UGT1A10: variants seen among roughly 807,000 people sequenced by gnomAD.
UGT1A10 encodes the protein UDP glucuronosyltransferase family 1 member A10.
Under a neutral mutation model 45.8 loss-of-function variants are expected in UGT1A10, and 49 were observed. The ratio of observed to expected loss-of-function variants is 1.07; its 90% confidence interval spans 0.85 to 1.36. The LOEUF (loss-of-function observed/expected upper bound fraction) is 1.36. Ranked by LOEUF, UGT1A10 falls within the 40% of genes most tolerant of loss-of-function variation. UGT1A10 has a pLI of 0.00. For synonymous variants in UGT1A10, 284 were observed against 249.7 expected (o/e 1.14, Z -1.29); for missense variants, 745 against 668.6 (o/e 1.11, Z -1.26).
At chr2:233,742,815 T>C (rs1692108353) in intron 1 of UGT1A10, 1 of 153,808 alleles carries the variant, frequency 6.5e-6, no homozygotes. Flanking sequence ...ATTGATATTA[T>C]TTGTAGATTT....
intron 1 of UGT1A10, among the ~76,000 whole-genome samples, chr2:233,647,045 C>G (rs2073623972): frequency 6.6e-6 from 1 of 152,190 alleles, no homozygotes; most frequent in East Asian, 1.9e-4. Context: ...AGGAGAAAGT[C>G]ACATCCTCCA....
intron 1 of UGT1A10, chr2:233,719,094 G>C (rs376370143): frequency 8.7e-6 from 14 of 1,614,082 alleles, no homozygotes; most frequent in Admixed American, 1.7e-5. Flanking sequence ...ATTTGATCGC[G>C]TTACGCTGGG....
intron 4 of UGT1A10, chr2:233,771,362 C>T (rs1186329971): frequency 6.6e-6 from 1 of 152,076 alleles, no homozygotes; most frequent in African/African-American, 2.4e-5. Context: ...GTTGAAGCAC[C>T]TAACCCGTTT....
chr2:233,672,612 T>C (rs1208822826), intron 1 of UGT1A10: 2 of 1,613,918 alleles, frequency 1.2e-6, no homozygotes, highest in East Asian at 4.5e-5. Flanking sequence ...TTTTCAAAAA[T>C]GCCCTAGAAA....
At chr2:233,715,102 T>C (rs1462958719) in intron 1 of UGT1A10, among the ~76,000 whole-genome samples, 2 of 152,140 alleles carry the variant, frequency 1.3e-5, no homozygotes, top group East Asian at 3.9e-4. Context: ...GCCAGGCTGA[T>C]CTCAAATGCC....
chr2:233,693,766 G>A (rs2075179392), intron 1 of UGT1A10: 8 of 1,614,122 alleles, frequency 5.0e-6, no homozygotes, highest in African/African-American at 1.3e-5. Context: ...CTGTTTGGCT[G>A]TTAAGATATG....
At position 233,728,248 on chromosome 2, in the gene UGT1A10, GA is replaced by G. The variant is rs150082316; in HGVS notation, c.856-38785del. ...ATCTTCAGGATGAAATAAAGGCCTGGATGACTGAAATAAAGACTGGAGCCTT... is the reference window on the plus strand; with the variant it reads ...ATCTTCAGGATGAAATAAAGGCCTGGTGACTGAAATAAAGACTGGAGCCTT... On this transcript the variant is annotated intron_variant, in intron 1 of 4. Transcript: ENST00000344644. 8.8e-3 allele frequency among the ~76,000 whole-genome samples: 1,334 copies of G among 152,284 alleles called. 20 individuals carry two copies. The highest frequency in any genetic ancestry group is 0.03 in the African/African-American group (1,244 of 41,558).
intron 1 of UGT1A10, among the ~76,000 whole-genome samples, chr2:233,656,690 C>T (rs1285810302): frequency 3.9e-5 from 6 of 152,096 alleles, no homozygotes; most frequent in Non-Finnish European, 8.8e-5. Flanking sequence ...GTTTAAACCA[C>T]AAAAGGGAGG....
intron 1 of UGT1A10, chr2:233,729,974 A>G (rs779334131): frequency 1.9e-6 from 3 of 1,614,082 alleles, no homozygotes; most frequent in Non-Finnish European, 2.5e-6. Flanking sequence ...AACTGTGCCA[A>G]CAGGAAGCCA....
chr2:233,662,426 G>A (rs7585521), intron 1 of UGT1A10, among the ~76,000 whole-genome samples: 6,244 of 152,116 alleles, frequency 0.041, 154 homozygotes, highest in Non-Finnish European at 0.061. Context: ...GACCAACACC[G>A]TTGAAACTCT....
intron 1 of UGT1A10, chr2:233,691,073 G>A (rs1251480486): frequency 1.0e-6 from 1 of 986,174 alleles, no homozygotes; most frequent in East Asian, 1.1e-4. Flanking sequence ...TAAAGAATGT[G>A]AAGTTTGTAG....
intron 1 of UGT1A10, among the ~76,000 whole-genome samples, chr2:233,695,902 GT>G (rs144527865): frequency 5.9e-5 from 9 of 151,998 alleles, no homozygotes; most frequent in African/African-American, 1.2e-4. Flanking sequence ...AATGTGTGGG[GT>G]TTTTTTTCTC....
At chr2:233,685,378 C>G (rs1334317900) in intron 1 of UGT1A10, among the ~76,000 whole-genome samples, 1 of 152,104 alleles carries the variant, frequency 6.6e-6, no homozygotes, top group Non-Finnish European at 1.5e-5. Flanking sequence ...TTCCACTTTT[C>G]TTGACTTGTT....
chr2:233,765,623 G>A (rs1698893578), intron 1 of UGT1A10, among the ~76,000 whole-genome samples: 1 of 151,662 alleles, frequency 6.6e-6, no homozygotes, highest in Admixed American at 6.6e-5. Flanking sequence ...AGGGGTGAGG[G>A]GAGGAACTTA....
chr2:233,637,487 C>A, intron 1 of UGT1A10, 110 bp downstream of exon 1: 5 of 1,495,792 alleles, frequency 3.3e-6, no homozygotes, highest in Non-Finnish European at 3.5e-6. Context: ...TTTCAAATTT[C>A]TTTCCAGTTT....
chr2:233,658,226 C>G (rs910344457), intron 1 of UGT1A10, among the ~76,000 whole-genome samples: 2 of 152,106 alleles, frequency 1.3e-5, no homozygotes, highest in African/African-American at 4.8e-5. Context: ...ACCATGTTGA[C>G]CAGGCTGGCC....
At chr2:233,671,721 G>C in intron 1 of UGT1A10, 6 of 1,089,148 alleles carry the variant, frequency 5.5e-6, no homozygotes, top group Non-Finnish European at 7.3e-6. Context: ...ATAAGCTACT[G>C]TTGTCTGGAA....
At chr2:233,714,888 A>ATCTTTTTTTTTT (rs148944858) in intron 1 of UGT1A10, among the ~76,000 whole-genome samples, 15,215 of 151,802 alleles carry the variant, frequency 0.1, 867 homozygotes, top group East Asian at 0.2. Flanking sequence ...AAATTTTTCT[A>ATCTTTTTTTTTT]TCTTTTGAGA....
chr2:233,740,156 C>T (rs578012287), intron 1 of UGT1A10, among the ~76,000 whole-genome samples: 1 of 151,870 alleles, frequency 6.6e-6, no homozygotes, highest in Non-Finnish European at 1.5e-5. Context: ...GAGGCCTCCC[C>T]AGTCATGTGG....
Sources: gnomAD v4.1 joint callset for allele counts (sites outside exome capture counted in the v4.1 genomes callset) on GRCh38, gnomAD v4.1.1 for gene constraint, MANE v1.5 for transcripts, NCBI Gene and HGNC (gene_info 2026-07-23, HGNC 2026-07-21) for gene names.